HDAC9: variants seen among roughly 807,000 people sequenced by gnomAD.
HDAC9 encodes histone deacetylase 9, also known as MEF-2 interacting transcription repressor (MITR) protein.
A neutral mutation model predicts 139.4 loss-of-function variants in HDAC9; 41 were observed. The observed-to-expected ratio is 0.29, with a 90% CI of 0.23 to 0.38. The LOEUF (loss-of-function observed/expected upper bound fraction) is 0.38. HDAC9 is among the 10% of genes least tolerant of loss of function. The probability of loss-of-function intolerance (pLI) is 1.00; values close to 1 mark genes in which losing one functional copy is unlikely to be tolerated. For synonymous variants in HDAC9, 517 were observed against 476.2 expected (o/e 1.09, Z -1.12); for missense variants, 1,147 against 1,297.0 (o/e 0.88, Z 1.78).
At chr7:18,984,200 A>T (rs1785143296) in intron 25 of HDAC9, among the ~76,000 whole-genome samples, 1 of 152,034 alleles carries the variant, frequency 6.6e-6, no homozygotes, top group African/African-American at 2.4e-5. Flanking sequence ...TATTTTTTTA[A>T]TAGCAGTATA....
intron 22 of HDAC9, among the ~76,000 whole-genome samples, chr7:18,920,009 C>A (rs955526294): frequency 6.6e-6 from 1 of 151,832 alleles, no homozygotes; most frequent in South Asian, 2.1e-4. Context: ...TGAACTTTAA[C>A]GTGGTTTTTT....
intron 2 of HDAC9, among the ~76,000 whole-genome samples, chr7:18,257,830 C>G (rs982231098): frequency 4.0e-4 from 61 of 152,254 alleles, no homozygotes; most frequent in African/African-American, 1.4e-3. Flanking sequence ...TTGCATAATG[C>G]CTAAGCATCA....
chr7:18,963,275 C>T (rs1053627675), intron 24 of HDAC9, among the ~76,000 whole-genome samples: 1 of 152,148 alleles, frequency 6.6e-6, no homozygotes, highest in Non-Finnish European at 1.5e-5. Context: ...TTAAGATCCG[C>T]ATCAAAGGGA....
chr7:18,421,487 GAAAGA>G (rs1487730306), intron 1 of HDAC9, among the ~76,000 whole-genome samples: 1 of 151,688 alleles, frequency 6.6e-6, no homozygotes, highest in East Asian at 1.9e-4. Context: ...AAAATGAAAA[GAAAGA>G]AAAGGAAAAG....
chr7:18,295,719 C>A (rs551971684), intron 1 of HDAC9, among the ~76,000 whole-genome samples: 1 of 152,092 alleles, frequency 6.6e-6, no homozygotes, highest in Non-Finnish European at 1.5e-5. Context: ...GAACCATTTG[C>A]GTAGACCAGT....
At position 18,559,616 on chromosome 7, in the gene HDAC9, C is replaced by T. The variant is rs776754252; in HGVS notation, c.23-25665C>T. Among the ~76,000 whole-genome samples the T allele has an allele frequency of 5.3e-5, 8 of 152,060 alleles. No individual in the cohort carries two copies. The East Asian group carries it at 9.6e-4, about 18-fold the overall frequency. On this transcript the variant is annotated intron_variant, in intron 2 of 25. Transcript: ENST00000686413. ...CCGGTTTTACTGCAGCCCTTTTATA[C>T]GTTGGAGTTTAAGGAGCTAAGGCCC...
chr7:18,296,314 A>G (rs896017011), intron 1 of HDAC9, among the ~76,000 whole-genome samples: 2 of 152,162 alleles, frequency 1.3e-5, no homozygotes, highest in Admixed American at 6.6e-5. Flanking sequence ...ATTAAAACAT[A>G]CTTTAAACAT....
At chr7:18,138,437 T>C (rs528534693) in intron 1 of HDAC9, among the ~76,000 whole-genome samples, 19 of 151,366 alleles carry the variant, frequency 1.3e-4, no homozygotes, top group Admixed American at 2.6e-4. Flanking sequence ...TTTTAGGAGA[T>C]GGAGGGAGTG....
intron 2 of HDAC9, among the ~76,000 whole-genome samples, chr7:18,192,874 C>T (rs965601436): frequency 6.6e-6 from 1 of 152,112 alleles, no homozygotes; most frequent in Non-Finnish European, 1.5e-5. Flanking sequence ...ATATGTATTT[C>T]TCAGTATGAG....
chr7:18,352,169 G>T (rs1291673909), intron 1 of HDAC9, among the ~76,000 whole-genome samples: 1 of 152,106 alleles, frequency 6.6e-6, no homozygotes, highest in African/African-American at 2.4e-5. Flanking sequence ...AGGATCCTCA[G>T]GTTTCTTAAG....
At chr7:18,908,571 T>C (rs1802476142) in intron 22 of HDAC9, among the ~76,000 whole-genome samples, 1 of 152,104 alleles carries the variant, frequency 6.6e-6, no homozygotes, top group South Asian at 2.1e-4. Flanking sequence ...CAACTTCTGG[T>C]AAACACTATT....
At chr7:18,826,534 C>A (rs1183777786) in intron 17 of HDAC9, among the ~76,000 whole-genome samples, 2 of 151,820 alleles carry the variant, frequency 1.3e-5, no homozygotes, top group Admixed American at 6.6e-5. Context: ...TAAGCAGTTT[C>A]AGAAATAGTT....
At chr7:18,588,746 T>C (rs1466437440) in intron 3 of HDAC9, among the ~76,000 whole-genome samples, 2 of 152,100 alleles carry the variant, frequency 1.3e-5, no homozygotes, top group East Asian at 1.9e-4. Context: ...GAAAAAAATA[T>C]ATTGCAGCTG....
intron 12 of HDAC9, among the ~76,000 whole-genome samples, chr7:18,690,183 A>G (rs1301258551): frequency 6.6e-6 from 1 of 151,998 alleles, no homozygotes. Context: ...AGAGGTTTTT[A>G]TCCATATTTT....
intron 1 of HDAC9, among the ~76,000 whole-genome samples, chr7:18,092,405 T>TTC (rs1782223008): frequency 6.7e-6 from 1 of 150,308 alleles, no homozygotes; most frequent in Non-Finnish European, 1.5e-5. Context: ...CTTTCTTTTT[T>TTC]TTTTTTTAAA....
At chr7:18,544,051 C>T (rs77196496) in intron 2 of HDAC9, among the ~76,000 whole-genome samples, 2,599 of 152,230 alleles carry the variant, frequency 0.017, 82 homozygotes, top group African/African-American at 0.058. Context: ...ATCTTATTTA[C>T]GTAGTAAAAT....
intron 2 of HDAC9, among the ~76,000 whole-genome samples, chr7:18,229,457 C>T (rs970997393): frequency 6.6e-6 from 1 of 152,206 alleles, no homozygotes. Context: ...CGTATTCCAG[C>T]AGCAGGCTCG....
intron 2 of HDAC9, among the ~76,000 whole-genome samples, chr7:18,249,418 G>A (rs536031871): frequency 1.4e-5 from 2 of 142,876 alleles, no homozygotes; most frequent in African/African-American, 5.2e-5. Flanking sequence ...TGTGAGAATC[G>A]CTTGAGCCTG....
intron 6 of HDAC9, among the ~76,000 whole-genome samples, chr7:18,617,718 G>A (rs1385418232): frequency 6.6e-6 from 1 of 152,110 alleles, no homozygotes; most frequent in Non-Finnish European, 1.5e-5. Context: ...AGTATCTTTA[G>A]CCTATTTATT....
Sources: allele counts gnomAD v4.1 joint callset (sites outside exome capture counted in the v4.1 genomes callset), GRCh38; gene constraint gnomAD v4.1.1; transcripts MANE v1.5; gene names NCBI Gene and HGNC (gene_info 2026-07-23, HGNC 2026-07-21).